The following MAF variants were observed in gnomAD, a reference collection of about 807,000 sequenced individuals.
The protein encoded by MAF is MAF bZIP transcription factor, also known as transcription factor Maf.
In MAF, 10 loss-of-function variants were observed where a neutral mutation model predicts 22.0. The ratio of observed to expected loss-of-function variants is 0.45; its 90% CI spans 0.28 to 0.77. The LOEUF (loss-of-function observed/expected upper bound fraction) is 0.77, where lower values mean the gene tolerates loss of function less well. MAF is among the 30% of genes least tolerant of loss of function. MAF has a pLI of 0.12. For synonymous variants in MAF, 337 were observed against 255.8 expected (o/e 1.32, Z -3.03); for missense variants, 544 against 548.4 (o/e 0.99, Z 0.08).
the MAF span, among the ~76,000 whole-genome samples, chr16:79,445,442 G>A: frequency 6.6e-6 from 1 of 152,152 alleles, no homozygotes; most frequent in South Asian, 2.1e-4. Context: ...TACAAATGAG[G>A]AGACCAAGTC....
the MAF span, among the ~76,000 whole-genome samples, chr16:79,433,275 AAAAT>A: frequency 7.2e-5 from 10 of 138,774 alleles, no homozygotes; most frequent in Admixed American, 2.2e-4. Context: ...AGTAAAAAAA[AAAAT>A]ATATATATAT....
At chr16:79,476,849 A>G in the MAF span, among the ~76,000 whole-genome samples, 1 of 152,198 alleles carries the variant, frequency 6.6e-6, no homozygotes, top group Admixed American at 6.5e-5. Context: ...TGTCTCCATC[A>G]CTGACATTTT....
At chr16:79,474,330 T>G in the MAF span, among the ~76,000 whole-genome samples, 1 of 152,220 alleles carries the variant, frequency 6.6e-6, no homozygotes, top group Middle Eastern at 3.2e-3. Flanking sequence ...AATGCCTATC[T>G]CCCCTGCAAA....
the MAF span, among the ~76,000 whole-genome samples, chr16:79,392,814 T>A: frequency 5.5e-4 from 83 of 152,278 alleles, no homozygotes; most frequent in African/African-American, 1.9e-3. Flanking sequence ...GAACCCTAAG[T>A]TGCTTAAACA....
At chr16:79,469,406 C>T in the MAF span, among the ~76,000 whole-genome samples, 20 of 152,138 alleles carry the variant, frequency 1.3e-4, no homozygotes, top group Admixed American at 1.3e-3. Flanking sequence ...AACTCTCCCG[C>T]CTATTACCTG....
At chr16:79,350,079 C>T in the MAF span, among the ~76,000 whole-genome samples, 1 of 152,194 alleles carries the variant, frequency 6.6e-6, no homozygotes, top group Non-Finnish European at 1.5e-5. Context: ...TCTGCTCTGG[C>T]TTCCTCTGGC....
At chr16:79,598,455 T>TTAA (rs1555529653) in intron 1 of MAF, 4 of 1,087,494 alleles carry the variant, frequency 3.7e-6, no homozygotes, top group Non-Finnish European at 4.6e-6. Context: ...CGGGGGGGTG[T>TTAA]AAAAAAAAAA....
At chr16:79,370,439 G>A in the MAF span, among the ~76,000 whole-genome samples, 5 of 152,170 alleles carry the variant, frequency 3.3e-5, no homozygotes. Flanking sequence ...CTAGATCTCA[G>A]CCTTCCCACA....
At chr16:79,597,162 C>T in intron 1 of MAF, 1 of 1,056,544 alleles carries the variant, frequency 9.5e-7, no homozygotes, top group Non-Finnish European at 1.1e-6. Context: ...CCCTTAACAT[C>T]ACAATAGTAA....
At chr16:79,541,844 C>T in the MAF span, among the ~76,000 whole-genome samples, 4 of 151,790 alleles carry the variant, frequency 2.6e-5, no homozygotes, top group South Asian at 2.1e-4. Context: ...TTACTAGAGA[C>T]GGGGTTTTAC....
At chr16:79,442,527 T>A in the MAF span, among the ~76,000 whole-genome samples, 1 of 152,078 alleles carries the variant, frequency 6.6e-6, no homozygotes, top group Admixed American at 6.6e-5. Context: ...ATGAGCCACT[T>A]CACCTGGCTG....
chr16:79,342,958 C>T, the MAF span, among the ~76,000 whole-genome samples: 1 of 152,086 alleles, frequency 6.6e-6, no homozygotes, highest in Non-Finnish European at 1.5e-5. Context: ...GGAAGATGTG[C>T]AAATCTTCTC....
chr16:79,365,324 T>C, the MAF span, among the ~76,000 whole-genome samples: 1 of 152,204 alleles, frequency 6.6e-6, no homozygotes, highest in Admixed American at 6.5e-5. Flanking sequence ...CAGCTGTAGT[T>C]TCACATTTCT....
chr16:79,271,990 C>T, the MAF span, among the ~76,000 whole-genome samples: 5 of 152,174 alleles, frequency 3.3e-5, no homozygotes, highest in African/African-American at 1.2e-4. Context: ...CCTGTTGTGG[C>T]CTCCAAATTC....
At chr16:79,424,508 AT>A in the MAF span, among the ~76,000 whole-genome samples, 1 of 152,308 alleles carries the variant, frequency 6.6e-6, no homozygotes, top group Admixed American at 6.5e-5. Context: ...TTATGACTGC[AT>A]TGGTATAAGA....
the MAF span, among the ~76,000 whole-genome samples, chr16:79,406,639 G>T: frequency 6.6e-6 from 1 of 152,120 alleles, no homozygotes; most frequent in South Asian, 2.1e-4. Flanking sequence ...CATCACATTG[G>T]GGGATAGGAT....
chr16:79,383,046 A>G, the MAF span, among the ~76,000 whole-genome samples: 1 of 152,196 alleles, frequency 6.6e-6, no homozygotes, highest in African/African-American at 2.4e-5. Context: ...ATCTATAAAT[A>G]GGGGCAAAAG....
the MAF span, among the ~76,000 whole-genome samples, chr16:79,314,065 G>A: frequency 2.6e-5 from 4 of 152,206 alleles, no homozygotes; most frequent in African/African-American, 9.7e-5. Context: ...GACATGGACA[G>A]TTCACATTTT....
chr16:79,276,314 G>A, the MAF span, among the ~76,000 whole-genome samples: 1 of 152,124 alleles, frequency 6.6e-6, no homozygotes, highest in African/African-American at 2.4e-5. Context: ...TTTGCAGCAG[G>A]CCTTCTTGGG....
Sources: allele counts gnomAD v4.1 joint callset (sites outside exome capture counted in the v4.1 genomes callset), GRCh38; gene constraint gnomAD v4.1.1; transcripts MANE v1.5; gene names NCBI Gene and HGNC (gene_info 2026-07-23, HGNC 2026-07-21).